Variants in PHLPP1 observed in about 807,000 individuals in gnomAD.
PHLPP1 encodes PH domain and leucine rich repeat protein phosphatase 1.
A neutral mutation model predicts 117.2 loss-of-function variants in PHLPP1; 42 were observed. The observed-to-expected ratio is 0.36, with a 90% CI of 0.28 to 0.46. PHLPP1 has a LOEUF of 0.46. Ranked by LOEUF, PHLPP1 falls within the 20% of genes least tolerant of loss-of-function variation. The probability of loss-of-function intolerance (pLI) is 1.00; values close to 1 mark genes in which losing one functional copy is unlikely to be tolerated. For missense variants in PHLPP1, 2,084 were observed against 2,241.9 expected (o/e 0.93, Z 1.42); for synonymous variants, 1,042 against 970.7 (o/e 1.07, Z -1.37).
chr18:62,895,707 T>C, intron 5 of PHLPP1, 74 bp from the exon 6 acceptor site: 7 of 961,722 alleles, frequency 7.3e-6, no homozygotes, highest in Admixed American at 1.9e-5. Context: ...TCTACACTTA[T>C]GGAACTTGTA....
intron 1 of PHLPP1, among the ~76,000 whole-genome samples, chr18:62,736,840 T>C (rs909453053): frequency 1.3e-5 from 2 of 152,196 alleles, no homozygotes; most frequent in Non-Finnish European, 2.9e-5. Context: ...TCTCAGGAAG[T>C]GATATAGACA....
chr18:62,902,887 T>C, intron 6 of PHLPP1, 77 bp from the exon 7 acceptor site: 1 of 859,114 alleles, frequency 1.2e-6, no homozygotes, highest in Non-Finnish European at 1.9e-6. Context: ...TCTTTCTCGC[T>C]ATTTCTCATA....
chr18:62,730,983 T>C (rs909279012), intron 1 of PHLPP1, among the ~76,000 whole-genome samples: 3 of 152,240 alleles, frequency 2.0e-5, no homozygotes, highest in African/African-American at 7.2e-5. Context: ...TCTACTGTTG[T>C]TGGGCACTGA....
intron 1 of PHLPP1, among the ~76,000 whole-genome samples, chr18:62,759,311 T>G (rs1168986665): frequency 6.6e-6 from 1 of 152,190 alleles, no homozygotes; most frequent in African/African-American, 2.4e-5. Context: ...TTTCCATAGC[T>G]TAAAAAAATC....
chr18:62,968,880 C>T (rs1014053775), intron 14 of PHLPP1, among the ~76,000 whole-genome samples: 6 of 152,208 alleles, frequency 3.9e-5, no homozygotes, highest in African/African-American at 1.2e-4. Context: ...GATGTTCCTC[C>T]ACTCTCTCAT....
At chr18:62,892,082 CT>C (rs200141250) in intron 4 of PHLPP1, among the ~76,000 whole-genome samples, 1,535 of 107,656 alleles carry the variant, frequency 0.014, 20 homozygotes, top group African/African-American at 0.056. Flanking sequence ...TTCTTTCTTT[CT>C]TTTTTTTTTT....
chr18:62,849,649 C>CAAAA (rs34653454), intron 3 of PHLPP1, among the ~76,000 whole-genome samples: 2 of 82,806 alleles, frequency 2.4e-5, no homozygotes, highest in East Asian at 3.6e-4. Flanking sequence ...GATTCTGTCT[C>CAAAA]AAAAAAAAAA....
intron 1 of PHLPP1, among the ~76,000 whole-genome samples, chr18:62,766,279 G>C (rs1018301267): frequency 2.7e-5 from 4 of 150,126 alleles, no homozygotes; most frequent in African/African-American, 9.8e-5. Flanking sequence ...GCATTTTGGG[G>C]AATAACTTTC....
chr18:62,978,632 T>C lies in PHLPP1; in HGVS notation c.4355T>C (p.Val1452Ala). 1 of 1,613,776 alleles carries C rather than the reference T, an allele frequency of 6.2e-7. No individual in the cohort carries two copies. The highest frequency in any genetic ancestry group is 1.1e-5 in the South Asian group (1 of 91,084). Residue 1452 changes from valine to alanine, a missense_variant, in exon 17 of 17, where the codon GTG (valine) becomes GCG (alanine). Val to Ala is a moderately conservative substitution (Grantham distance 64). Transcript: ENST00000262719. This position sits in a 1 kb window ranked among gnomAD's most constrained non-coding sequence, Gnocchi z 7.0. ...AGTCCTGGCATCTTTCCTCCCTCAG[T>C]GAACATGGTGATCAAGGATCGGCCC... ...PPSPGIFPPS[V>A]NMVIKDRPSD...
At chr18:62,950,242 A>T (rs1910413184) in intron 12 of PHLPP1, among the ~76,000 whole-genome samples, 2 of 152,218 alleles carry the variant, frequency 1.3e-5, no homozygotes, top group Admixed American at 6.5e-5. Flanking sequence ...GCAGTAATAA[A>T]CTACTTGGCT....
chr18:62,719,749 A>G (rs905132008), intron 1 of PHLPP1, among the ~76,000 whole-genome samples: 9 of 152,168 alleles, frequency 5.9e-5, no homozygotes, highest in Admixed American at 2.0e-4. Context: ...ATAGCTAGGA[A>G]GTTGCTTTCA....
intron 6 of PHLPP1, among the ~76,000 whole-genome samples, chr18:62,902,487 C>A (rs1024835770): frequency 6.6e-6 from 1 of 152,154 alleles, no homozygotes; most frequent in Non-Finnish European, 1.5e-5. Flanking sequence ...CCTTTAATTC[C>A]ATGCTACTCA....
chr18:62,728,749 T>G (rs545786647), intron 1 of PHLPP1, among the ~76,000 whole-genome samples: 1 of 152,234 alleles, frequency 6.6e-6, no homozygotes, highest in Non-Finnish European at 1.5e-5. Flanking sequence ...CTTCGTGATC[T>G]GCCCGCCTCG....
intron 1 of PHLPP1, among the ~76,000 whole-genome samples, chr18:62,734,742 A>G (rs1017723142): frequency 1.1e-4 from 16 of 152,344 alleles, no homozygotes; most frequent in South Asian, 6.2e-4. Context: ...TCCACCATCT[A>G]TTATTAAATA....
At chr18:62,835,770 C>G (rs1228369261) in intron 2 of PHLPP1, among the ~76,000 whole-genome samples, 1 of 143,972 alleles carries the variant, frequency 6.9e-6, no homozygotes, top group Non-Finnish European at 1.5e-5. Flanking sequence ...GTAAATTCAA[C>G]TGGTTCTTTT....
At chr18:62,756,019 G>A (rs1912005845) in intron 1 of PHLPP1, among the ~76,000 whole-genome samples, 1 of 145,186 alleles carries the variant, frequency 6.9e-6, no homozygotes, top group Non-Finnish European at 1.5e-5. Context: ...TGAGAACACA[G>A]ATTAATGATT....
Position 62,978,534 on chromosome 18 carries a change from G to A in PHLPP1, c.4257G>A (p.Val1419=), listed in dbSNP as rs1224425978. The A allele has an allele frequency of 1.2e-6, 2 of 1,611,350 alleles. No individual in the cohort carries two copies. The highest frequency in any genetic ancestry group is 1.1e-5 in the South Asian group (1 of 90,648). The change falls in exon 17 of 17, where the codon GTG becomes GTA. Residue 1419 remains valine, a synonymous_variant. Coordinates refer to ENST00000262719, the MANE Select transcript of PHLPP1 (RefSeq NM_194449.4). This position sits in a 1 kb window ranked among gnomAD's most constrained non-coding sequence, Gnocchi z 7.0. Reference sequence around the variant, plus strand: ...GCCACGACAGCATCAGCGCTGTGGTGGTGCAGCTCAGTGTCACTGAGGACA... The same window carrying A: ...GCCACGACAGCATCAGCGCTGTGGTAGTGCAGCTCAGTGTCACTGAGGACA... ...YGCHDSISAV[V]VQLSVTEDSF...
chr18:62,865,182 TG>T (rs1915741103), intron 4 of PHLPP1, among the ~76,000 whole-genome samples: 1 of 152,104 alleles, frequency 6.6e-6, no homozygotes. Flanking sequence ...AAAAATTAGC[TG>T]GGTATAGTAG....
chr18:62,879,832 A>T (rs1160302205), intron 4 of PHLPP1, among the ~76,000 whole-genome samples: 1 of 152,196 alleles, frequency 6.6e-6, no homozygotes, highest in Non-Finnish European at 1.5e-5. Flanking sequence ...ATAACATTGC[A>T]TGCTGAAGTT....
Sources: allele counts gnomAD v4.1 joint callset (sites outside exome capture counted in the v4.1 genomes callset), GRCh38; gene constraint gnomAD v4.1.1; non-coding constraint Gnocchi (gnomAD v3.1); transcripts MANE v1.5; gene names NCBI Gene and HGNC (gene_info 2026-07-23, HGNC 2026-07-21).